PRKCA: variants seen among roughly 807,000 people sequenced by gnomAD.
The protein encoded by PRKCA is protein kinase C alpha type.
In PRKCA, 27 loss-of-function variants were observed where a neutral mutation model predicts 87.0. The observed-to-expected ratio is 0.31, with a 90% CI of 0.23 to 0.43. PRKCA has a LOEUF of 0.43. Among genes scored for constraint, PRKCA ranks in the 20% least tolerant of loss-of-function variants. The pLI is 1.00. For missense variants in PRKCA, 518 were observed against 852.3 expected, an observed-to-expected ratio of 0.61 and a Z score of 4.88; for synonymous variants, 329 against 311.1, an observed-to-expected ratio of 1.06 and a Z score of -0.61.
At chr17:66,313,767 C>T (rs1238328542) in intron 2 of PRKCA, among the ~76,000 whole-genome samples, 2 of 152,020 alleles carry the variant, frequency 1.3e-5, no homozygotes, top group Non-Finnish European at 2.9e-5. Context: ...GGTTTTTGTG[C>T]GTTAATACAT....
chr17:66,484,217 TG>T (rs1225749201), intron 2 of PRKCA, among the ~76,000 whole-genome samples: 3 of 152,256 alleles, frequency 2.0e-5, no homozygotes, highest in African/African-American at 7.2e-5. Flanking sequence ...TGTCTCCCAC[TG>T]GGCCCCTCCC....
rs961103492 is a variant in PRKCA at position 66,796,892 on chromosome 17, G to A, written c.1855-6981G>A. The A allele has an allele frequency of 1.3e-5, 13 of 985,260 alleles. No homozygotes were observed. In the Admixed American group the frequency reaches 6.2e-4, roughly 47 times the overall value. 61.0% of individuals were successfully genotyped at this position (985,260 alleles called of 1,614,324 possible). ...CTCCTGCATTTGGTCATCGTAAGGG[G>A]TAGCTCCCACCTCGTTAGGTTTCCT... On this transcript the variant is annotated intron_variant, in intron 16 of 16. Transcript: ENST00000413366.
intron 2 of PRKCA, among the ~76,000 whole-genome samples, chr17:66,368,959 G>A (rs1319040442): frequency 2.0e-5 from 3 of 152,134 alleles, no homozygotes; most frequent in African/African-American, 4.8e-5. Context: ...TCTGTAGATC[G>A]TGAGGGGGGT....
chr17:66,326,711 A>C (rs1218810923), intron 2 of PRKCA, among the ~76,000 whole-genome samples: 1 of 152,180 alleles, frequency 6.6e-6, no homozygotes, highest in Non-Finnish European at 1.5e-5. Context: ...GTCTGGGTAC[A>C]GACTCAGCTT....
At chr17:66,752,334 C>T (rs546042705) in intron 13 of PRKCA, among the ~76,000 whole-genome samples, 136 of 152,314 alleles carry the variant, frequency 8.9e-4, no homozygotes, top group Non-Finnish European at 1.3e-3. Context: ...GTGGCTCACA[C>T]GCGTAATCCC....
At chr17:66,562,586 T>TG (rs1555619911) in intron 3 of PRKCA, among the ~76,000 whole-genome samples, 1 of 91,680 alleles carries the variant, frequency 1.1e-5, no homozygotes, top group Admixed American at 1.1e-4. Flanking sequence ...CTAAGTTTTG[T>TG]TTTTTTTTGT....
chr17:66,787,235 C>T, intron 15 of PRKCA: 1 of 627,004 alleles, frequency 1.6e-6, no homozygotes, highest in Non-Finnish European at 3.1e-6. Flanking sequence ...TGCTTTCACT[C>T]AATATGGTGA....
chr17:66,541,890 G>A (rs2143137300), intron 3 of PRKCA, among the ~76,000 whole-genome samples: 1 of 152,278 alleles, frequency 6.6e-6, no homozygotes, highest in Non-Finnish European at 1.5e-5. Flanking sequence ...AAGGCCCTAA[G>A]CTTGTATGAG....
intron 15 of PRKCA, among the ~76,000 whole-genome samples, chr17:66,787,359 A>G (rs9916272): frequency 0.18 from 26,659 of 152,098 alleles, 3,925 homozygotes; most frequent in African/African-American, 0.4. Flanking sequence ...GTGAAGGCCA[A>G]GAGAATGGAT....
intron 2 of PRKCA, among the ~76,000 whole-genome samples, chr17:66,470,727 A>G (rs1034225746): frequency 8.5e-5 from 13 of 152,230 alleles, no homozygotes; most frequent in African/African-American, 2.9e-4. Flanking sequence ...TTGACATTCT[A>G]GGATTTAATT....
Position 66,406,585 on chromosome 17 carries a change from G to GATTTTTTTTTTTTT in PRKCA, c.206-89616_206-89615insATTTTTTTTTTTTT, listed in dbSNP as rs529714675. ...TCATGTAGCATTGTAGCTTTTCCAG[G>GATTTTTTTTTTTTT]TTTTTTTTTTTTTTTTTTTTTTTTA... On this transcript the variant is annotated intron_variant, in intron 2 of 16. Transcript: ENST00000413366. Among the ~76,000 whole-genome samples the GATTTTTTTTTTTTT allele has an allele frequency of 2.4e-4, 17 of 70,186 alleles. 1 individual carries two copies. Among genetic ancestry groups the GATTTTTTTTTTTTT allele is most frequent in the African/African-American group, 7.8e-4 (17 of 21,698 alleles). The allele number at this position is 70,186 out of a possible 152,430, so 46.0% of individuals were successfully genotyped here. A position where few individuals can be genotyped will look rare whatever the true frequency, so the allele number is the denominator to read the frequency against.
At chr17:66,324,429 C>T (rs1377377561) in intron 2 of PRKCA, among the ~76,000 whole-genome samples, 1 of 137,450 alleles carries the variant, frequency 7.3e-6, no homozygotes, top group Non-Finnish European at 1.5e-5. Flanking sequence ...TGGTGAAACC[C>T]TGTCTCTACT....
chr17:66,462,781 GAGGAATGA>G (rs1914908905), intron 2 of PRKCA, among the ~76,000 whole-genome samples: 3 of 152,166 alleles, frequency 2.0e-5, no homozygotes, highest in Non-Finnish European at 4.4e-5. Context: ...TCATAGCTAA[GAGGAATGA>G]AATGTCCTCC....
intron 2 of PRKCA, among the ~76,000 whole-genome samples, chr17:66,465,876 A>G (rs1016358919): frequency 1.3e-5 from 2 of 152,052 alleles, no homozygotes; most frequent in Non-Finnish European, 2.9e-5. Flanking sequence ...GTTTATTTGC[A>G]TGTACTTTCT....
chr17:66,369,409 C>A, intron 2 of PRKCA, among the ~76,000 whole-genome samples: 1 of 152,100 alleles, frequency 6.6e-6, no homozygotes, highest in East Asian at 1.9e-4. Context: ...GAGGAGGGAC[C>A]TGTGAGAGGG....
At chr17:66,646,634 G>A (rs957701736) in intron 5 of PRKCA, among the ~76,000 whole-genome samples, 2 of 152,166 alleles carry the variant, frequency 1.3e-5, no homozygotes, top group African/African-American at 4.8e-5. Context: ...CATAGAAGAA[G>A]GGTTTAGGAG....
intron 2 of PRKCA, among the ~76,000 whole-genome samples, chr17:66,462,166 G>C (rs1381547096): frequency 1.3e-5 from 2 of 152,110 alleles, no homozygotes; most frequent in Non-Finnish European, 1.5e-5. Flanking sequence ...ATGGAAGCTG[G>C]CTGGTGCTCT....
intron 3 of PRKCA, among the ~76,000 whole-genome samples, chr17:66,589,929 C>T (rs1378346863): frequency 1.3e-5 from 2 of 152,168 alleles, no homozygotes; most frequent in Non-Finnish European, 2.9e-5. Context: ...GCCTAGATCT[C>T]TCAATGTGCA....
chr17:66,383,155 A>G (rs1195622655), intron 2 of PRKCA, among the ~76,000 whole-genome samples: 1 of 142,942 alleles, frequency 7.0e-6, no homozygotes, highest in African/African-American at 2.6e-5. Context: ...AATAACCTGT[A>G]ATGAATAACT....
Sources: allele counts gnomAD v4.1 joint callset (sites outside exome capture counted in the v4.1 genomes callset), GRCh38; gene constraint gnomAD v4.1.1; transcripts MANE v1.5; gene names NCBI Gene and HGNC (gene_info 2026-07-23, HGNC 2026-07-21).